Variants in TNKS observed in about 807,000 individuals in gnomAD.
The protein encoded by TNKS is tankyrase.
Under a neutral mutation model 135.8 loss-of-function variants are expected in TNKS, and 72 were observed. The observed-to-expected ratio is 0.53, with a 90% CI of 0.44 to 0.64. The LOEUF is 0.64. Ranked by LOEUF, TNKS falls within the 30% of genes least tolerant of loss-of-function variation. The pLI is 0.00. For missense variants in TNKS, 1,769 were observed against 1,674.0 expected, an observed-to-expected ratio of 1.06 and a Z score of -0.99; for synonymous variants, 849 against 649.3, an observed-to-expected ratio of 1.31 and a Z score of -4.68.
At chr8:9,577,647 C>G (rs1213373083) in intron 1 of TNKS, among the ~76,000 whole-genome samples, 2 of 152,218 alleles carry the variant, frequency 1.3e-5, no homozygotes, top group African/African-American at 2.4e-5. Flanking sequence ...ATGATCCACT[C>G]ACCTACCACC....
At chr8:9,724,278 C>T (rs746757339) in intron 12 of TNKS, among the ~76,000 whole-genome samples, 3 of 151,970 alleles carry the variant, frequency 2.0e-5, no homozygotes, top group Admixed American at 6.6e-5. Flanking sequence ...GGCGAAACCC[C>T]GTCTCTACTT....
intron 5 of TNKS, among the ~76,000 whole-genome samples, chr8:9,693,337 C>A (rs185768226): frequency 5.3e-5 from 8 of 151,624 alleles, no homozygotes; most frequent in Admixed American, 3.9e-4. Flanking sequence ...TGGGAAAAAA[C>A]AGCAACAAAA....
intron 1 of TNKS, among the ~76,000 whole-genome samples, chr8:9,569,935 A>T (rs1040489842): frequency 6.6e-6 from 1 of 151,958 alleles, no homozygotes; most frequent in African/African-American, 2.4e-5. Context: ...AACTTTTCAA[A>T]TCTATTGCCT....
rs375683696 is a variant in TNKS at position 9,700,842 on chromosome 8, A to G, written c.1108-3821A>G. On this transcript the variant is annotated intron_variant, in intron 5 of 26. Transcript: ENST00000310430. ...TATAAATTTCAGTAGTTTAAAAACT[A>G]AATATATTACTGTTTTCAAAGCATT... Among the ~76,000 whole-genome samples the G allele has an allele frequency of 4.6e-4, 70 of 152,320 alleles. No individual in the cohort carries two copies. In the South Asian group the frequency reaches 0.01, roughly 22 times the overall value.
intron 5 of TNKS, among the ~76,000 whole-genome samples, chr8:9,701,445 A>G (rs1357258284): frequency 1.3e-5 from 2 of 152,216 alleles, no homozygotes; most frequent in East Asian, 1.9e-4. Flanking sequence ...GCTATGTGCT[A>G]TACTAGCTTG....
chr8:9,759,987 C>CA (rs1233204829), intron 20 of TNKS, among the ~76,000 whole-genome samples: 9 of 129,412 alleles, frequency 7.0e-5, no homozygotes, highest in African/African-American at 2.6e-4. Flanking sequence ...CAAAAGAAAA[C>CA]AAAACAAAAA....
chr8:9,663,502 G>T (rs1023958655), intron 3 of TNKS, among the ~76,000 whole-genome samples: 1 of 152,152 alleles, frequency 6.6e-6, no homozygotes, highest in Non-Finnish European at 1.5e-5. Flanking sequence ...CAGCAGTTAG[G>T]TGTCCTATAA....
intron 3 of TNKS, among the ~76,000 whole-genome samples, chr8:9,630,233 C>T (rs1467663179): frequency 2.6e-5 from 4 of 152,086 alleles, no homozygotes; most frequent in South Asian, 2.1e-4. Flanking sequence ...TTATGGTTCC[C>T]GCACTCAATA....
intron 3 of TNKS, among the ~76,000 whole-genome samples, chr8:9,654,258 G>A (rs1801260786): frequency 6.6e-6 from 1 of 152,102 alleles, no homozygotes; most frequent in African/African-American, 2.4e-5. Flanking sequence ...ATTCTAACAG[G>A]CATTTGGCAG....
intron 3 of TNKS, among the ~76,000 whole-genome samples, chr8:9,677,756 G>C (rs1338357320): frequency 3.9e-5 from 6 of 152,032 alleles, no homozygotes; most frequent in Non-Finnish European, 8.8e-5. Context: ...AAACTTCTTA[G>C]CTTAGAGAGA....
chr8:9,637,320 A>G (rs147336557), intron 3 of TNKS, among the ~76,000 whole-genome samples: 10 of 152,244 alleles, frequency 6.6e-5, no homozygotes, highest in Non-Finnish European at 1.2e-4. Context: ...GGTTCTGTGT[A>G]CCAGTTTTGG....
chr8:9,703,312 T>G (rs1245050378), intron 5 of TNKS, among the ~76,000 whole-genome samples: 1 of 152,200 alleles, frequency 6.6e-6, no homozygotes, highest in Non-Finnish European at 1.5e-5. Flanking sequence ...AACTTATCAA[T>G]TGTTTGTTTC....
rs1201969876 is a variant in TNKS, at chr8:9,761,588, C to T, written c.3226C>T (p.Arg1076Cys). The T allele has an allele frequency of 7.5e-6, 12 of 1,603,432 alleles. No individual in the cohort carries two copies. The highest frequency in any genetic ancestry group is 1.8e-5 in the Admixed American group (1 of 56,808). ...AATAGGCATCAATGCATATGGGCAC[C>T]GCCACAAATTAATCAAAGGAGTAGA... ...KEIGINAYGH[R>C]HKLIKGVERL... is the part of the protein sequence containing the mutation. The change falls in exon 21 of 27, where the codon CGC becomes TGC. Residue 1076 changes from arginine to cysteine, a missense_variant. Physicochemically the swap from Arg to Cys is radical, Grantham distance 180 (BLOSUM62 -3). This residue lies in a region of TNKS where 722 missense variants were observed against 688.9 expected (regional missense o/e 1.05). Coordinates refer to ENST00000310430, the MANE Select transcript of TNKS (RefSeq NM_003747.3).
chr8:9,662,601 G>C (rs937196392), intron 3 of TNKS, among the ~76,000 whole-genome samples: 13 of 152,086 alleles, frequency 8.5e-5, no homozygotes, highest in African/African-American at 3.1e-4. Flanking sequence ...GTTGTGTGGT[G>C]GGGATAGGGG....
chr8:9,754,507 TTCTC>T (rs1806733403), intron 20 of TNKS, among the ~76,000 whole-genome samples: 2 of 152,264 alleles, frequency 1.3e-5, no homozygotes, highest in South Asian at 2.1e-4. Flanking sequence ...TTTTTCTGCT[TTCTC>T]TCTTTTTTTT....
At chr8:9,648,085 C>T (rs537258056) in intron 3 of TNKS, among the ~76,000 whole-genome samples, 31 of 152,116 alleles carry the variant, frequency 2.0e-4, no homozygotes, top group African/African-American at 6.7e-4. Flanking sequence ...ATGGAGCTTG[C>T]GGGACTGGAA....
intron 5 of TNKS, among the ~76,000 whole-genome samples, chr8:9,682,429 C>G (rs770083672): frequency 2.0e-5 from 3 of 152,106 alleles, no homozygotes; most frequent in Non-Finnish European, 4.4e-5. Flanking sequence ...TCTCTTCTCC[C>G]TGCTTCATCT....
At chr8:9,586,722 CGT>C (rs5889287) in intron 2 of TNKS, among the ~76,000 whole-genome samples, 29,131 of 143,042 alleles carry the variant, frequency 0.2, 3,225 homozygotes, top group Admixed American at 0.3. Flanking sequence ...ATATCTAAAA[CGT>C]GTGTGTGTGT....
At position 9,765,691 on chromosome 8, in the gene TNKS, G is replaced by T. The variant is rs1224499177; in HGVS notation, c.3448-1G>T. On this transcript the variant is annotated splice_acceptor_variant, in intron 23 of 26. Coordinates refer to ENST00000310430, the MANE Select transcript of TNKS (RefSeq NM_003747.3). LOFTEE classifies it high-confidence loss of function. Reference sequence around the variant, plus strand: ...TGTTTCTTTCTTCTTCATCCTTAAAGATTCAAAAAGTTGTCAACAAGAAGT... The same window carrying T: ...TGTTTCTTTCTTCTTCATCCTTAAATATTCAAAAAGTTGTCAACAAGAAGT... 4 of 1,612,556 alleles carry T rather than the reference G, an allele frequency of 2.5e-6. No homozygotes were observed. The highest frequency in any genetic ancestry group is 3.4e-6 in the Non-Finnish European group (4 of 1,178,736).
Sources: gnomAD v4.1 joint callset for allele counts (sites outside exome capture counted in the v4.1 genomes callset) on GRCh38, gnomAD v4.1.1 for gene constraint, gnomAD v4.1.1 regional missense constraint, MANE v1.5 for transcripts, NCBI Gene and HGNC (gene_info 2026-07-23, HGNC 2026-07-21) for gene names.